RBFOX1: variants seen among roughly 807,000 people sequenced by gnomAD.
RBFOX1 encodes RNA binding protein fox-1 homolog 1.
Under a neutral mutation model 57.7 loss-of-function variants are expected in RBFOX1, and 8 were observed. The observed-to-expected ratio is 0.14, with a 90% CI of 0.08 to 0.25. The LOEUF is 0.25. Among genes scored for constraint, RBFOX1 ranks in the 10% least tolerant of loss-of-function variants. The pLI, the probability that RBFOX1 is intolerant of heterozygous loss-of-function variation, is 1.00. For synonymous variants in RBFOX1, 326 were observed against 222.4 expected (o/e 1.47, Z -4.15); for missense variants, 611 against 548.5 (o/e 1.11, Z -1.14).
chr16:7,132,018 G>A (rs1286698045), intron 4 of RBFOX1, among the ~76,000 whole-genome samples: 1 of 120,730 alleles, frequency 8.3e-6, no homozygotes, highest in Non-Finnish European at 1.7e-5. Context: ...TTTTTTTTGA[G>A]TGTCATTCTG....
intron 5 of RBFOX1, among the ~76,000 whole-genome samples, chr16:7,535,609 C>T (rs2081287892): frequency 6.6e-6 from 1 of 152,168 alleles, no homozygotes; most frequent in Non-Finnish European, 1.5e-5. Flanking sequence ...AAACTCTTTC[C>T]TGACACCACC....
At chr16:6,864,989 C>CCTTTTCT (rs2059651235) in intron 3 of RBFOX1, among the ~76,000 whole-genome samples, 1 of 105,802 alleles carries the variant, frequency 9.5e-6, no homozygotes, top group South Asian at 3.4e-4. Flanking sequence ...GTGGGTTTTT[C>CCTTTTCT]TTTTTCTTTT....
intron 3 of RBFOX1, among the ~76,000 whole-genome samples, chr16:7,004,452 C>G (rs946792583): frequency 6.6e-6 from 1 of 152,076 alleles, no homozygotes; most frequent in East Asian, 1.9e-4. Context: ...GTCACCATAG[C>G]CTGGATTTGA....
At chr16:6,563,540 T>C (rs1214942978) in intron 2 of RBFOX1, among the ~76,000 whole-genome samples, 1 of 151,962 alleles carries the variant, frequency 6.6e-6, no homozygotes, top group African/African-American at 2.4e-5. Context: ...TGGTCAGGAG[T>C]TGGGTAAGCC....
intron 3 of RBFOX1, among the ~76,000 whole-genome samples, chr16:6,701,250 A>G (rs990253949): frequency 1.3e-5 from 2 of 152,118 alleles, no homozygotes; most frequent in Non-Finnish European, 2.9e-5. Flanking sequence ...TCCTTGAGCA[A>G]GGAGGCTCTC....
At chr16:5,768,438 C>G (rs1209431139) in intron 3 of RBFOX1, among the ~76,000 whole-genome samples, 3 of 152,010 alleles carry the variant, frequency 2.0e-5, no homozygotes, top group Non-Finnish European at 4.4e-5. Flanking sequence ...CCTTAAAATA[C>G]TTGTTTCCCC....
intron 2 of RBFOX1, among the ~76,000 whole-genome samples, chr16:6,515,244 C>G (rs946666366): frequency 6.6e-6 from 1 of 152,180 alleles, no homozygotes; most frequent in East Asian, 1.9e-4. Context: ...GGATGCTGAG[C>G]AAAGTGGCTT....
chr16:7,332,285 T>G (rs1280816630), intron 4 of RBFOX1, among the ~76,000 whole-genome samples: 2 of 152,204 alleles, frequency 1.3e-5, no homozygotes, highest in Non-Finnish European at 2.9e-5. Flanking sequence ...AGACTTGTTG[T>G]GAGAATGAAA....
chr16:5,259,053 G>A (rs953819383), intron 1 of RBFOX1, among the ~76,000 whole-genome samples: 3 of 152,152 alleles, frequency 2.0e-5, no homozygotes, highest in Admixed American at 6.5e-5. Flanking sequence ...CATTCCCAGG[G>A]CTGGCTCTGA....
intron 2 of RBFOX1, among the ~76,000 whole-genome samples, chr16:6,355,178 A>C (rs1600016812): frequency 6.6e-6 from 1 of 152,178 alleles, no homozygotes; most frequent in Non-Finnish European, 1.5e-5. Flanking sequence ...GTACATGTGC[A>C]GAACGTGCAG....
chr16:6,841,697 A>T (rs2093471790), intron 3 of RBFOX1, among the ~76,000 whole-genome samples: 1 of 152,046 alleles, frequency 6.6e-6, no homozygotes, highest in Admixed American at 6.6e-5. Flanking sequence ...TGATGGAGGC[A>T]TTGTCAGGGC....
At chr16:5,867,379 G>C (rs1436386) in intron 4 of RBFOX1, 193,728 of 1,128,760 alleles carry the variant, frequency 0.17, 18,064 homozygotes, top group Non-Finnish European at 0.19. Flanking sequence ...ATAGTTTGAA[G>C]TGGGTTTCTT....
chr16:6,741,899 T>G (rs777566785), intron 3 of RBFOX1, among the ~76,000 whole-genome samples: 16 of 152,132 alleles, frequency 1.1e-4, no homozygotes, highest in Non-Finnish European at 1.9e-4. Context: ...AGGAATAAGC[T>G]CAATAGATCA....
At chr16:6,089,065 C>CAAAA (rs5815283) in intron 1 of RBFOX1, among the ~76,000 whole-genome samples, 36 of 138,230 alleles carry the variant, frequency 2.6e-4, no homozygotes, top group Admixed American at 4.3e-4. Context: ...AACTCTGTCT[C>CAAAA]AAAAAAAAAA....
intron 4 of RBFOX1, among the ~76,000 whole-genome samples, chr16:5,908,741 A>C (rs1193444403): frequency 6.6e-6 from 1 of 151,992 alleles, no homozygotes; most frequent in Non-Finnish European, 1.5e-5. Context: ...CTATAGACTG[A>C]ATGTTTGTGT....
At chr16:7,562,533 A>C (rs146598047) in intron 5 of RBFOX1, among the ~76,000 whole-genome samples, 20 of 152,314 alleles carry the variant, frequency 1.3e-4, no homozygotes, top group African/African-American at 3.8e-4. Context: ...TCAGTGCCCC[A>C]AGTAACCTAG....
intron 4 of RBFOX1, among the ~76,000 whole-genome samples, chr16:5,996,381 GT>G (rs968347283): frequency 1.8e-4 from 27 of 152,212 alleles, no homozygotes; most frequent in Admixed American, 1.7e-3. Context: ...CAAGCATTGG[GT>G]TCCCCTTAAT....
chr16:7,481,476 TC>T (rs1259076972), intron 4 of RBFOX1, among the ~76,000 whole-genome samples: 1 of 152,208 alleles, frequency 6.6e-6, no homozygotes, highest in East Asian at 1.9e-4. Flanking sequence ...CAAATTACTC[TC>T]TTTTGGTGAG....
At chr16:7,008,306 C>G (rs1281471184) in intron 3 of RBFOX1, among the ~76,000 whole-genome samples, 1 of 152,070 alleles carries the variant, frequency 6.6e-6, no homozygotes, top group African/African-American at 2.4e-5. Flanking sequence ...CTTTGGGAGA[C>G]TGAGGCAGGT....
Sources: allele counts gnomAD v4.1 joint callset (sites outside exome capture counted in the v4.1 genomes callset), GRCh38; gene constraint gnomAD v4.1.1; transcripts MANE v1.5; gene names NCBI Gene and HGNC (gene_info 2026-07-23, HGNC 2026-07-21).